Variants in PRRX2 observed in about 807,000 individuals in gnomAD.
The protein encoded by PRRX2 is paired related homeobox 2.
In PRRX2, 11 loss-of-function variants were observed where a neutral mutation model predicts 18.0. The ratio of observed to expected loss-of-function variants is 0.61; its 90% CI spans 0.39 to 1.01. The LOEUF (loss-of-function observed/expected upper bound fraction) is 1.01. PRRX2 is among the 50% of genes least tolerant of loss of function. The pLI is 0.01. For missense variants in PRRX2, 387 were observed against 351.0 expected (o/e 1.10, Z -0.82); for synonymous variants, 177 against 154.8 (o/e 1.14, Z -1.06).
intron 1 of PRRX2, among the ~76,000 whole-genome samples, chr9:129,687,559 C>T (rs1054388219): frequency 6.6e-6 from 1 of 152,260 alleles, no homozygotes; most frequent in Non-Finnish European, 1.5e-5. Flanking sequence ...TCCCTCTGCA[C>T]ACTCAAGGCT....
Position 129,715,754 on chromosome 9 carries a change from A to G in PRRX2, c.260-3477A>G, listed in dbSNP as rs144735471. On this transcript the variant is annotated intron_variant, in intron 1 of 3. Coordinates refer to ENST00000372469, the MANE Select transcript of PRRX2 (RefSeq NM_016307.4). This position sits in a 1 kb window ranked among gnomAD's most constrained non-coding sequence, Gnocchi z 4.0. ...CCAGCTTCAGGGACATCTTTCTCAC[A>G]CACACACACACACACACACACACAC... Among the ~76,000 whole-genome samples the G allele has an allele frequency of 3.2e-5, 3 of 94,242 alleles. No homozygotes were observed. Among genetic ancestry groups the G allele is most frequent in the Non-Finnish European group, 6.5e-5 (3 of 46,250 alleles). The allele number at this position is 94,242 out of a possible 152,430, so 61.8% of individuals were successfully genotyped here. A position where few individuals can be genotyped will look rare whatever the true frequency, so the allele number is the denominator to read the frequency against.
In PRRX2 at chr9:129,695,269, G is replaced by A. The variant is rs1832407001; in HGVS notation, c.260-23962G>A. Among the ~76,000 whole-genome samples the A allele has an allele frequency of 6.6e-6, 1 of 152,144 alleles. No individual in the cohort carries two copies. Among genetic ancestry groups the A allele is most frequent in the Non-Finnish European group, 1.5e-5 (1 of 68,034 alleles). ...TCCCTCCAGAGGTTTCTGGCTAAGG[G>A]GGACAGAGGAGAGGCCATGGAGGAG... On this transcript the variant is annotated intron_variant, in intron 1 of 3. Transcript: ENST00000372469. The surrounding 1 kb of genome is among the most constrained non-coding windows in gnomAD (Gnocchi z 4.8).
chr9:129,678,028 A>G (rs1832183184), intron 1 of PRRX2, among the ~76,000 whole-genome samples: 2 of 144,134 alleles, frequency 1.4e-5, no homozygotes, highest in South Asian at 4.3e-4. Flanking sequence ...CAGTGGCGCA[A>G]TCTCGGCTCG....
intron 1 of PRRX2, among the ~76,000 whole-genome samples, chr9:129,701,833 C>G (rs1391347248): frequency 6.6e-6 from 1 of 152,224 alleles, no homozygotes; most frequent in African/African-American, 2.4e-5. Context: ...GGCGCAGTGG[C>G]TCACGCCTGT....
chr9:129,720,898 C>T, intron 3 of PRRX2, 124 bp downstream of exon 3: 2 of 1,117,816 alleles, frequency 1.8e-6, no homozygotes, highest in South Asian at 3.9e-5. Flanking sequence ...CCCCTGGGAT[C>T]TGGGGTACAC....
At chr9:129,679,934 C>T (rs1044752382) in intron 1 of PRRX2, among the ~76,000 whole-genome samples, 1 of 152,178 alleles carries the variant, frequency 6.6e-6, no homozygotes, top group Non-Finnish European at 1.5e-5. Flanking sequence ...CCAACCTCAG[C>T]TCCACTTGCT....
At chr9:129,690,156 C>T (rs368533325) in intron 1 of PRRX2, among the ~76,000 whole-genome samples, 147 of 152,268 alleles carry the variant, frequency 9.7e-4, no homozygotes, top group African/African-American at 3.5e-3. Flanking sequence ...ATCCCTCCCA[C>T]CTTACCCAGC....
intron 1 of PRRX2, among the ~76,000 whole-genome samples, chr9:129,690,805 C>T (rs2130918588): frequency 6.6e-6 from 1 of 152,054 alleles, no homozygotes; most frequent in Admixed American, 6.5e-5. Flanking sequence ...CGCGCCCAGC[C>T]AGTGCCAGCT....
In PRRX2 at chr9:129,722,437, T is replaced by A. The variant is rs1223033546; in HGVS notation, c.*85T>A. On this transcript the variant is annotated 3_prime_UTR_variant, in exon 4 of 4. Transcript: ENST00000372469. ...AGACGCCCAGGAAGTGACCTTCTCC[T>A]GGATGAGCTCTCCTGGCCCGTCTGT... is the stretch of plus-strand genomic sequence containing the variant. 6.6e-7 allele frequency: 1 copy of A among 1,506,214 alleles called. No homozygotes were observed. Among genetic ancestry groups the A allele is most frequent in the African/African-American group, 1.4e-5 (1 of 71,928 alleles). 93.3% of individuals were successfully genotyped at this position (1,506,214 alleles called of 1,614,324 possible). A position where few individuals can be genotyped will look rare whatever the true frequency, so the allele number is the denominator to read the frequency against.
At chr9:129,673,898 C>G (rs900065989) in intron 1 of PRRX2, among the ~76,000 whole-genome samples, 10 of 152,164 alleles carry the variant, frequency 6.6e-5, no homozygotes, top group African/African-American at 2.4e-4. Flanking sequence ...ATCTTGCTGG[C>G]TCCCACACTG....
chr9:129,719,146 A>C, intron 1 of PRRX2, 85 bp from the exon 2 acceptor site: 1 of 1,326,080 alleles, frequency 7.5e-7, no homozygotes, highest in East Asian at 2.6e-5. Flanking sequence ...TAAAGCACTC[A>C]GAGCAAACTG....
intron 1 of PRRX2, among the ~76,000 whole-genome samples, chr9:129,696,296 T>C (rs1330652748): frequency 6.6e-6 from 1 of 152,152 alleles, no homozygotes; most frequent in East Asian, 1.9e-4. Flanking sequence ...GCACCTTGGC[T>C]GGGCACGGTG....
intron 1 of PRRX2, among the ~76,000 whole-genome samples, chr9:129,673,472 GAAAC>G (rs749230946): frequency 1.4e-4 from 21 of 152,136 alleles, no homozygotes; most frequent in East Asian, 9.7e-4. Flanking sequence ...ATAAAAAAAC[GAAAC>G]AAACAAAGGT....
At chr9:129,682,614 C>A (rs1450118173) in intron 1 of PRRX2, among the ~76,000 whole-genome samples, 5 of 152,172 alleles carry the variant, frequency 3.3e-5, no homozygotes, top group African/African-American at 9.6e-5. Flanking sequence ...GGGAGGAGGG[C>A]AGGGAGTGTC....
In PRRX2 at chr9:129,665,832, A is replaced by T. The variant is rs1832011676; in HGVS notation, c.-36A>T. On this transcript the variant is annotated 5_prime_UTR_variant, in exon 1 of 4. Coordinates refer to ENST00000372469, the MANE Select transcript of PRRX2 (RefSeq NM_016307.4). The surrounding 1 kb of genome is among the most constrained non-coding windows in gnomAD (Gnocchi z 5.3). ...CGACCCTTCCTGGGACCCGAGCCCG[A>T]GACCCCCGCCGGCCCCCCCGGGGCC... 1 of 1,025,746 alleles carries T rather than the reference A, an allele frequency of 9.7e-7. No individual in the cohort carries two copies. The highest frequency in any genetic ancestry group is 9.5e-5 in the East Asian group (1 of 10,572). The allele number at this position is 1,025,746 out of a possible 1,614,324, so 63.5% of individuals were successfully genotyped here.
chr9:129,668,253 A>C (rs961682008), intron 1 of PRRX2, among the ~76,000 whole-genome samples: 5 of 152,158 alleles, frequency 3.3e-5, no homozygotes, highest in Admixed American at 1.3e-4. Context: ...GAAGGCTCCA[A>C]AGGTGGGGGA....
At chr9:129,702,080 G>A (rs142311060) in intron 1 of PRRX2, among the ~76,000 whole-genome samples, 3 of 151,714 alleles carry the variant, frequency 2.0e-5, no homozygotes, top group Admixed American at 2.0e-4. Context: ...CAGCCTGGGC[G>A]ACAGAGTGAA....
intron 1 of PRRX2, among the ~76,000 whole-genome samples, chr9:129,666,571 A>ACCG (rs1554780744): frequency 3.1e-5 from 3 of 95,424 alleles, no homozygotes; most frequent in African/African-American, 1.1e-4. Context: ...GTGCCTGCCC[A>ACCG]CCCCCCCCCA....
At position 129,720,492 on chromosome 9, in the gene PRRX2, C is replaced by T. The variant is rs1476706764; in HGVS notation, c.448-104C>T. 21 of 1,146,480 alleles carry T rather than the reference C, an allele frequency of 1.8e-5. No homozygotes were observed. The East Asian group carries it at 2.4e-4, about 13-fold the overall frequency. The allele number at this position is 1,146,480 out of a possible 1,614,324, so 71.0% of individuals were successfully genotyped here. On this transcript the variant is annotated intron_variant, in intron 2 of 3. Transcript: ENST00000372469. ...AAAAAACTGAGGGTCAGAGAGGTGA[C>T]GCTGCCAGCCCTGGGCTGGTGACAG...
Sources: gnomAD v4.1 joint callset for allele counts (sites outside exome capture counted in the v4.1 genomes callset) on GRCh38, gnomAD v4.1.1 for gene constraint, Gnocchi (gnomAD v3.1) non-coding constraint, MANE v1.5 for transcripts, NCBI Gene and HGNC (gene_info 2026-07-23, HGNC 2026-07-21) for gene names.